The following PCSK2 variants were observed in gnomAD, a reference collection of about 807,000 sequenced individuals.
PCSK2 encodes the protein neuroendocrine convertase 2.
In PCSK2, 14 loss-of-function variants were observed where a neutral mutation model predicts 69.7. The observed-to-expected ratio is 0.20, with a 90% CI of 0.13 to 0.31. PCSK2 has a LOEUF of 0.31. Ranked by LOEUF, PCSK2 falls within the 10% of genes least tolerant of loss-of-function variation. The probability of loss-of-function intolerance (pLI) is 1.00; values close to 1 mark genes in which losing one functional copy is unlikely to be tolerated. For synonymous variants in PCSK2, 307 were observed against 320.7 expected, an observed-to-expected ratio of 0.96 and a Z score of 0.46; for missense variants, 544 against 842.5, an observed-to-expected ratio of 0.65 and a Z score of 4.39.
At chr20:17,455,203 A>G (rs2032897403) in intron 9 of PCSK2, among the ~76,000 whole-genome samples, 1 of 152,038 alleles carries the variant, frequency 6.6e-6, no homozygotes, top group Non-Finnish European at 1.5e-5. Context: ...GGGCTGGCTA[A>G]AGGCCTTGAG....
chr20:17,288,822 T>C (rs1988603764), intron 2 of PCSK2, among the ~76,000 whole-genome samples: 1 of 152,200 alleles, frequency 6.6e-6, no homozygotes, highest in South Asian at 2.1e-4. Flanking sequence ...AATAAATTTC[T>C]GTTGTTTAAG....
At position 17,321,303 on chromosome 20, in the gene PCSK2, G is replaced by A. The variant is rs529720607; in HGVS notation, c.283-37024G>A. ...AGACAATAGCAATTCTGACCACATA[G>A]GATTGCAGTGACAGAAGTATGTAAG... On this transcript the variant is annotated intron_variant, in intron 2 of 11. Coordinates refer to ENST00000262545, the MANE Select transcript of PCSK2 (RefSeq NM_002594.5). Among the ~76,000 whole-genome samples the A allele has an allele frequency of 9.3e-4, 142 of 152,218 alleles. No individual in the cohort carries two copies. The Middle Eastern group carries it at 0.034, about 36-fold the overall frequency.
chr20:17,440,973 G>C (rs766631364), intron 8 of PCSK2, among the ~76,000 whole-genome samples: 6 of 152,148 alleles, frequency 3.9e-5, no homozygotes, highest in Non-Finnish European at 5.9e-5. Flanking sequence ...GTGGCTGCAG[G>C]ATGCCAGCCC....
In PCSK2 at chr20:17,227,330, T is replaced by A. The variant is rs751380207; in HGVS notation, c.25T>A (p.Trp9Arg). 1 of 1,613,926 alleles carries A rather than the reference T, an allele frequency of 6.2e-7. No homozygotes were observed. Among genetic ancestry groups the A allele is most frequent in the Non-Finnish European group, 8.5e-7 (1 of 1,179,990 alleles). ...GATGAAGGGTGGTTGTGTCTCCCAG[T>A]GGAAGGCGGCCGCCGGGTTCCTCTT... MKGGCVSQ[W>R]KAAAGFLFCV... The change falls in exon 1 of 12, where the codon TGG becomes AGG. Residue 9 changes from tryptophan (W) to arginine (R), a missense_variant. Physicochemically the swap from Trp to Arg is moderately radical, Grantham distance 101 (BLOSUM62 -3). Around this residue, in one of 3 missense-constraint regions of PCSK2, gnomAD observed 157 missense variants for 155.0 expected, o/e 1.01. Coordinates refer to ENST00000262545, the MANE Select transcript of PCSK2 (RefSeq NM_002594.5).
At chr20:17,385,467 G>A (rs890258859) in intron 5 of PCSK2, among the ~76,000 whole-genome samples, 1 of 152,176 alleles carries the variant, frequency 6.6e-6, no homozygotes, top group African/African-American at 2.4e-5. Flanking sequence ...AGAAACAAAA[G>A]CTGAATTAGT....
chr20:17,304,731 A>G (rs1237765960), intron 2 of PCSK2, among the ~76,000 whole-genome samples: 2 of 152,306 alleles, frequency 1.3e-5, no homozygotes, highest in Admixed American at 1.3e-4. Flanking sequence ...GTGACCATGT[A>G]CAATTGAGCT....
chr20:17,452,078 C>T (rs984630948), intron 8 of PCSK2, among the ~76,000 whole-genome samples: 1 of 152,058 alleles, frequency 6.6e-6, no homozygotes, highest in South Asian at 2.1e-4. Context: ...CAGGGTTTCA[C>T]CATGTTGGCC....
intron 2 of PCSK2, among the ~76,000 whole-genome samples, chr20:17,292,378 A>G (rs951657140): frequency 1.3e-5 from 2 of 152,178 alleles, no homozygotes; most frequent in African/African-American, 2.4e-5. Flanking sequence ...CTATATTTAT[A>G]AGATAAAATT....
intron 2 of PCSK2, among the ~76,000 whole-genome samples, chr20:17,271,526 G>A (rs2123025479): frequency 6.6e-6 from 1 of 152,180 alleles, no homozygotes; most frequent in Non-Finnish European, 1.5e-5. Flanking sequence ...ATTGAGGTGG[G>A]TCAGTTGTAA....
intron 6 of PCSK2, among the ~76,000 whole-genome samples, chr20:17,411,381 C>A (rs922927944): frequency 2.0e-5 from 3 of 152,230 alleles, no homozygotes; most frequent in Non-Finnish European, 4.4e-5. Context: ...GATTCTCTCC[C>A]ATGTCTGGGT....
At chr20:17,244,371 A>G (rs1986695074) in intron 1 of PCSK2, among the ~76,000 whole-genome samples, 1 of 152,232 alleles carries the variant, frequency 6.6e-6, no homozygotes, top group South Asian at 2.1e-4. Context: ...TTTGTCACCA[A>G]CAATGGGTTT....
chr20:17,229,029 T>TC (rs894208772), intron 1 of PCSK2, among the ~76,000 whole-genome samples: 3 of 151,086 alleles, frequency 2.0e-5, no homozygotes, highest in Admixed American at 6.6e-5. Context: ...CCTTCTTCAC[T>TC]CCCCCCCACC....
chr20:17,365,900 A>G (rs1317129824), intron 4 of PCSK2, among the ~76,000 whole-genome samples: 4 of 152,146 alleles, frequency 2.6e-5, no homozygotes, highest in African/African-American at 4.8e-5. Flanking sequence ...CCATGGCTTC[A>G]CTGGGCACAG....
intron 6 of PCSK2, among the ~76,000 whole-genome samples, chr20:17,410,444 C>T (rs1420163319): frequency 6.6e-6 from 1 of 152,186 alleles, no homozygotes; most frequent in Non-Finnish European, 1.5e-5. Context: ...TGAGACCCCT[C>T]AGTCTCATCA....
chr20:17,407,240 G>T (rs1003274367), intron 5 of PCSK2, among the ~76,000 whole-genome samples: 2 of 152,120 alleles, frequency 1.3e-5, no homozygotes, highest in Non-Finnish European at 2.9e-5. Flanking sequence ...ATCCCAGCGT[G>T]CCTCTTCCCA....
chr20:17,268,033 GTATA>G (rs753655282), intron 2 of PCSK2, among the ~76,000 whole-genome samples: 30 of 66,320 alleles, frequency 4.5e-4, no homozygotes, highest in South Asian at 1.2e-3. Context: ...TATCCAATGT[GTATA>G]TATATATATA....
intron 2 of PCSK2, among the ~76,000 whole-genome samples, chr20:17,300,285 T>A (rs1387498470): frequency 6.6e-6 from 1 of 152,214 alleles, no homozygotes; most frequent in Non-Finnish European, 1.5e-5. Flanking sequence ...TCTGTGTCTA[T>A]TGAACCCAGT....
chr20:17,377,695 A>C (rs2030966621), intron 5 of PCSK2, among the ~76,000 whole-genome samples: 1 of 152,252 alleles, frequency 6.6e-6, no homozygotes, highest in Non-Finnish European at 1.5e-5. Context: ...CATGATGAGC[A>C]CTTTAGCACC....
intron 2 of PCSK2, among the ~76,000 whole-genome samples, chr20:17,320,998 G>C (rs867957928): frequency 2.0e-5 from 3 of 152,292 alleles, no homozygotes; most frequent in Non-Finnish European, 4.4e-5. Context: ...GCATCAAACA[G>C]CCCTGTCGGT....
Sources: allele counts gnomAD v4.1 joint callset (sites outside exome capture counted in the v4.1 genomes callset), GRCh38; gene constraint gnomAD v4.1.1; regional missense constraint gnomAD v4.1.1; transcripts MANE v1.5; gene names NCBI Gene and HGNC (gene_info 2026-07-23, HGNC 2026-07-21).